Variants in ZFAT observed in about 807,000 individuals in gnomAD.
ZFAT encodes the protein zinc finger protein ZFAT.
ZFAT carries 64 observed loss-of-function variants against 117.7 expected under a neutral mutation model. The observed-to-expected ratio is 0.54, with a 90% CI of 0.44 to 0.67. The LOEUF is 0.67. Among genes scored for constraint, ZFAT ranks in the 30% least tolerant of loss-of-function variants. ZFAT has a pLI of 0.00. For synonymous variants in ZFAT, 679 were observed against 615.0 expected, an observed-to-expected ratio of 1.10 and a Z score of -1.54; for missense variants, 1,433 against 1,584.5, an observed-to-expected ratio of 0.90 and a Z score of 1.62.
the ZFAT span, among the ~76,000 whole-genome samples, chr8:134,774,843 A>G: frequency 6.6e-6 from 1 of 151,968 alleles, no homozygotes; most frequent in African/African-American, 2.4e-5. Context: ...TCAGCCAGGC[A>G]TGGTGGCTCA....
chr8:134,588,125 G>A (rs1319623669), intron 9 of ZFAT, 121 bp downstream of exon 9: 3 of 1,199,126 alleles, frequency 2.5e-6, no homozygotes, highest in Admixed American at 2.9e-5. Context: ...ATCTCTCAGT[G>A]TGCTAAGGAA....
At chr8:134,531,334 C>T (rs1586653503) in intron 12 of ZFAT, among the ~76,000 whole-genome samples, 4 of 152,314 alleles carry the variant, frequency 2.6e-5, no homozygotes, top group African/African-American at 9.6e-5. Context: ...CCCTAACCTG[C>T]AACTCTAGTT....
intron 13 of ZFAT, among the ~76,000 whole-genome samples, chr8:134,513,867 C>T (rs1294885817): frequency 6.6e-6 from 1 of 152,194 alleles, no homozygotes; most frequent in African/African-American, 2.4e-5. Flanking sequence ...TGTTTCCATC[C>T]TGACATATAG....
intron 15 of ZFAT, among the ~76,000 whole-genome samples, chr8:134,486,165 C>T (rs1176613433): frequency 2.0e-5 from 3 of 152,224 alleles, no homozygotes; most frequent in African/African-American, 4.8e-5. Flanking sequence ...CAGTTAACCC[C>T]TTACTGGGTT....
intron 7 of ZFAT, among the ~76,000 whole-genome samples, chr8:134,593,734 TG>T (rs149966448): frequency 0.011 from 1,701 of 152,140 alleles, 23 homozygotes; most frequent in African/African-American, 0.039. Context: ...AAAACAAAGG[TG>T]GGGGTTTCTA....
intron 9 of ZFAT, among the ~76,000 whole-genome samples, chr8:134,587,629 A>T (rs898501316): frequency 2.0e-5 from 3 of 152,082 alleles, no homozygotes; most frequent in Admixed American, 2.0e-4. Context: ...AGGGGGAGAA[A>T]ACAAAGTTGA....
chr8:134,652,112 G>A (rs1307736281), intron 2 of ZFAT, among the ~76,000 whole-genome samples: 1 of 152,208 alleles, frequency 6.6e-6, no homozygotes, highest in African/African-American at 2.4e-5. Context: ...GATGTCAGGA[G>A]TTCAAGACCA....
chr8:134,543,018 G>T (rs115449220), intron 11 of ZFAT, among the ~76,000 whole-genome samples: 1,722 of 145,686 alleles, frequency 0.012, 34 homozygotes, highest in African/African-American at 0.042. Flanking sequence ...AGTGAGTCAG[G>T]CACATGCAGT....
the ZFAT span, among the ~76,000 whole-genome samples, chr8:134,740,880 G>A: frequency 1.3e-5 from 2 of 152,160 alleles, no homozygotes; most frequent in Non-Finnish European, 2.9e-5. Context: ...TAAGATGAAA[G>A]GGGCTGTGGC....
At chr8:134,670,188 A>T (rs1832484178) in intron 1 of ZFAT, among the ~76,000 whole-genome samples, 1 of 152,228 alleles carries the variant, frequency 6.6e-6, no homozygotes, top group Non-Finnish European at 1.5e-5. Flanking sequence ...CATTAGACAG[A>T]TCAACGAGAC....
chr8:134,536,369 C>T (rs1821840534), intron 11 of ZFAT, among the ~76,000 whole-genome samples: 1 of 152,168 alleles, frequency 6.6e-6, no homozygotes, highest in African/African-American at 2.4e-5. Context: ...TCACTGCTGA[C>T]CAGTGCAGGG....
At chr8:134,639,817 A>T (rs1472830697) in intron 2 of ZFAT, 1 of 456,122 alleles carries the variant, frequency 2.2e-6, no homozygotes, top group Non-Finnish European at 4.4e-6. Context: ...GGTGCCTAAG[A>T]GTTTACTGAA....
intron 2 of ZFAT, among the ~76,000 whole-genome samples, chr8:134,651,618 T>A (rs1327489302): frequency 6.6e-6 from 1 of 152,058 alleles, no homozygotes; most frequent in African/African-American, 2.4e-5. Flanking sequence ...ATACGCAGAA[T>A]GCAGCACAAG....
chr8:134,782,618 C>T, the ZFAT span, among the ~76,000 whole-genome samples: 2 of 152,038 alleles, frequency 1.3e-5, no homozygotes, highest in East Asian at 3.9e-4. Context: ...TCATACTGTT[C>T]TCATGGTAGT....
At chr8:134,534,629 CAG>C (rs1398961392) in intron 11 of ZFAT, among the ~76,000 whole-genome samples, 2 of 117,532 alleles carry the variant, frequency 1.7e-5, no homozygotes, top group East Asian at 2.4e-4. Context: ...AGAGAGAGGA[CAG>C]GGGGAGAGAG....
the ZFAT span, chr8:134,785,620 T>C: frequency 6.6e-6 from 1 of 152,130 alleles, no homozygotes; most frequent in Non-Finnish European, 1.5e-5. Flanking sequence ...ATTGAAAAGT[T>C]ACTAATTTCT....
chr8:134,747,766 C>T, the ZFAT span, among the ~76,000 whole-genome samples: 1 of 152,026 alleles, frequency 6.6e-6, no homozygotes, highest in Non-Finnish European at 1.5e-5. Context: ...TTTTACAGCC[C>T]TGTAATTTTG....
At chr8:134,633,655 C>T (rs1563703023) in intron 3 of ZFAT, among the ~76,000 whole-genome samples, 1 of 152,244 alleles carries the variant, frequency 6.6e-6, no homozygotes, top group African/African-American at 2.4e-5. Flanking sequence ...CCACCTCGCT[C>T]ACAACCAGCT....
At chr8:134,493,646 G>A (rs941480129) in intron 15 of ZFAT, among the ~76,000 whole-genome samples, 14 of 152,354 alleles carry the variant, frequency 9.2e-5, no homozygotes, top group Non-Finnish European at 1.9e-4. Flanking sequence ...GGCGGGGCAG[G>A]GGGCAGTGCC....
Sources: allele counts gnomAD v4.1 joint callset (sites outside exome capture counted in the v4.1 genomes callset), GRCh38; gene constraint gnomAD v4.1.1; transcripts MANE v1.5; gene names NCBI Gene and HGNC (gene_info 2026-07-23, HGNC 2026-07-21).